The following DPYD variants were observed in gnomAD, a reference collection of about 807,000 sequenced individuals.
The protein encoded by DPYD is dihydropyrimidine dehydrogenase.
In DPYD, 109 loss-of-function variants were observed where a neutral mutation model predicts 116.2. That is an observed-to-expected ratio of 0.94 (90% CI 0.80 to 1.10). The LOEUF (loss-of-function observed/expected upper bound fraction) is 1.10, where lower values mean the gene tolerates loss of function less well. Among genes scored for constraint, DPYD ranks in the 50% least tolerant of loss-of-function variants. The pLI, the probability that DPYD is intolerant of heterozygous loss-of-function variation, is 0.00. For synonymous variants in DPYD, 440 were observed against 432.0 expected (o/e 1.02, Z -0.23); for missense variants, 1,302 against 1,254.5 (o/e 1.04, Z -0.57).
chr1:97,405,780 G>A (rs898564712), intron 14 of DPYD, among the ~76,000 whole-genome samples: 5 of 152,220 alleles, frequency 3.3e-5, no homozygotes, highest in African/African-American at 1.2e-4. Flanking sequence ...GCCTCCCAAA[G>A]CTTTGGGATT....
At chr1:97,195,070 T>C (rs1166685898) in intron 19 of DPYD, among the ~76,000 whole-genome samples, 1 of 152,154 alleles carries the variant, frequency 6.6e-6, no homozygotes, top group East Asian at 1.9e-4. Flanking sequence ...CAGAGAGTCA[T>C]TTACAACTTC....
intron 8 of DPYD, among the ~76,000 whole-genome samples, chr1:97,608,453 T>C (rs1655738666): frequency 6.6e-6 from 1 of 151,892 alleles, no homozygotes; most frequent in Non-Finnish European, 1.5e-5. Flanking sequence ...ACAGATTTTC[T>C]GACCTCTGAA....
At chr1:97,855,725 G>A (rs1009930937) in intron 2 of DPYD, 1 of 152,146 alleles carries the variant, frequency 6.6e-6, no homozygotes, top group Admixed American at 6.5e-5. Flanking sequence ...GAACAATGAA[G>A]AACAACTTCA....
chr1:97,369,760 G>A (rs576406689), intron 16 of DPYD, among the ~76,000 whole-genome samples: 74 of 152,258 alleles, frequency 4.9e-4, no homozygotes, highest in Non-Finnish European at 9.0e-4. Context: ...AAATGGAAGC[G>A]CAGCCTCCAG....
intron 16 of DPYD, among the ~76,000 whole-genome samples, chr1:97,342,222 G>A (rs1404911057): frequency 6.6e-6 from 1 of 152,094 alleles, no homozygotes; most frequent in African/African-American, 2.4e-5. Context: ...TGCTTAAGGC[G>A]ACTTAAATAC....
At chr1:97,700,303 C>T in intron 5 of DPYD, 1 of 455,702 alleles carries the variant, frequency 2.2e-6, no homozygotes, top group Non-Finnish European at 4.4e-6. Context: ...GGCCATTAAC[C>T]TAGAGCAAAA....
At chr1:97,759,320 A>G (rs1278723064) in intron 3 of DPYD, among the ~76,000 whole-genome samples, 1 of 152,054 alleles carries the variant, frequency 6.6e-6, no homozygotes, top group Admixed American at 6.6e-5. Flanking sequence ...ACTTCCCTTC[A>G]TGTTTCTGGT....
chr1:97,644,615 T>C lies in DPYD; in HGVS notation c.850+34480A>G, dbSNP rs150853549. Reference sequence around the variant, plus strand: ...AGCTAGCTTGTTTTTTGTTTTTTGTTTTTGTTTTTTTTTTTTGTATTTTTA... The same window carrying C: ...AGCTAGCTTGTTTTTTGTTTTTTGTCTTTGTTTTTTTTTTTTGTATTTTTA... On this transcript the variant is annotated intron_variant, in intron 8 of 22. Coordinates refer to ENST00000370192, the MANE Select transcript of DPYD (RefSeq NM_000110.4). Among the ~76,000 whole-genome samples the C allele has an allele frequency of 9.8e-3, 1,482 of 150,556 alleles. 26 individuals are homozygous for C. The highest frequency in any genetic ancestry group is 0.034 in the African/African-American group (1,398 of 40,676).
intron 3 of DPYD, among the ~76,000 whole-genome samples, chr1:97,765,511 T>G (rs531945673): frequency 6.6e-6 from 1 of 152,116 alleles, no homozygotes; most frequent in Non-Finnish European, 1.5e-5. Flanking sequence ...CCATATTCCA[T>G]TTTTACTTAA....
chr1:97,279,114 G>T (rs990312954), intron 18 of DPYD, among the ~76,000 whole-genome samples: 1 of 152,070 alleles, frequency 6.6e-6, no homozygotes, highest in African/African-American at 2.4e-5. Flanking sequence ...TGTCACCCAG[G>T]TAGTGAGCAT....
At chr1:97,728,519 T>TGA (rs1663396042) in intron 4 of DPYD, among the ~76,000 whole-genome samples, 1 of 152,116 alleles carries the variant, frequency 6.6e-6, no homozygotes, top group Non-Finnish European at 1.5e-5. Context: ...AGTCCTATCA[T>TGA]ATTCAAGTCT....
At chr1:97,530,214 CTTTT>C (rs57740723) in intron 12 of DPYD, among the ~76,000 whole-genome samples, 14 of 112,700 alleles carry the variant, frequency 1.2e-4, no homozygotes, top group African/African-American at 4.3e-4. Flanking sequence ...CTTTTTTTTT[CTTTT>C]TTTTTTTTTT....
chr1:97,173,609 C>CTCAA (rs1467666397), intron 20 of DPYD, among the ~76,000 whole-genome samples: 8 of 149,914 alleles, frequency 5.3e-5, no homozygotes, highest in Non-Finnish European at 3.0e-5. Flanking sequence ...TTATTAATCA[C>CTCAA]TCAATCTCAA....
chr1:97,099,336 C>T lies in DPYD; in HGVS notation c.2623-704G>A, dbSNP rs183400649. 4.6e-5 allele frequency among the ~76,000 whole-genome samples: 7 copies of T among 152,122 alleles called. No homozygotes were observed. In the East Asian group the frequency reaches 5.8e-4, roughly 13 times the overall value. On this transcript the variant is annotated intron_variant, in intron 20 of 22. Transcript: ENST00000370192. ...TCCATCAGTATTCAAAATCACATCA[C>T]GGAGCTTTAAATTTCAAGGTTATCC... is the stretch of plus-strand genomic sequence containing the variant.
At chr1:97,216,398 A>T (rs1660399157) in intron 19 of DPYD, among the ~76,000 whole-genome samples, 1 of 152,158 alleles carries the variant, frequency 6.6e-6, no homozygotes, top group African/African-American at 2.4e-5. Flanking sequence ...TTTCCCCTAA[A>T]AGCATTTTAC....
intron 19 of DPYD, among the ~76,000 whole-genome samples, chr1:97,226,368 G>T (rs1207967270): frequency 1.3e-5 from 2 of 151,948 alleles, no homozygotes; most frequent in Non-Finnish European, 2.9e-5. Flanking sequence ...ACTCCACATA[G>T]TACTGGAAGC....
chr1:97,763,796 AG>A (rs1665706022), intron 3 of DPYD, among the ~76,000 whole-genome samples: 1 of 152,100 alleles, frequency 6.6e-6, no homozygotes, highest in Admixed American at 6.6e-5. Context: ...AAAATAAAAA[AG>A]GCATCAAAAT....
At chr1:97,444,327 A>T (rs1347734648) in intron 14 of DPYD, among the ~76,000 whole-genome samples, 1 of 152,178 alleles carries the variant, frequency 6.6e-6, no homozygotes, top group African/African-American at 2.4e-5. Context: ...GCTTTCACTC[A>T]CTAGCTGTGT....
At position 97,306,206 on chromosome 1, in the gene DPYD, A is replaced by G. The variant is rs1456772809; in HGVS notation, c.2150T>C (p.Ile717Thr). 4.3e-6 allele frequency: 7 copies of G among 1,612,484 alleles called. No individual in the cohort carries two copies. The highest frequency in any genetic ancestry group is 1.3e-5 in the African/African-American group (1 of 74,808). ...CTTTGCAGCTCTTGCGATGCTCACAATATCAGTGACATTTGGGGTCAGCTT... is the reference window on the plus strand; with the variant it reads ...CTTTGCAGCTCTTGCGATGCTCACAGTATCAGTGACATTTGGGGTCAGCTT... ...FAKLTPNVTD[I>T]VSIARAAKEG... is the part of the protein sequence containing the mutation. The change falls in exon 17 of 23, where the codon ATT (isoleucine) becomes ACT (threonine). Residue 717 changes from isoleucine (I) to threonine (T), a missense_variant. Physicochemically the swap from Ile to Thr is moderately conservative, Grantham distance 89 (BLOSUM62 -1). Transcript: ENST00000370192.
Sources: allele counts gnomAD v4.1 joint callset (sites outside exome capture counted in the v4.1 genomes callset), GRCh38; gene constraint gnomAD v4.1.1; transcripts MANE v1.5; gene names NCBI Gene and HGNC (gene_info 2026-07-23, HGNC 2026-07-21).